Variants in PRKG1 observed in about 807,000 individuals in gnomAD.
PRKG1 encodes the protein cGMP-dependent protein kinase 1.
A neutral mutation model predicts 88.1 loss-of-function variants in PRKG1; 35 were observed. The observed-to-expected ratio is 0.40, with a 90% CI of 0.30 to 0.53. PRKG1 has a LOEUF of 0.53. Among genes scored for constraint, PRKG1 ranks in the 20% least tolerant of loss-of-function variants. The pLI is 0.59. For missense variants in PRKG1, 540 were observed against 839.8 expected, an observed-to-expected ratio of 0.64 and a Z score of 4.41; for synonymous variants, 303 against 292.5, an observed-to-expected ratio of 1.04 and a Z score of -0.37.
intron 2 of PRKG1, among the ~76,000 whole-genome samples, chr10:51,162,804 G>T (rs1846398765): frequency 6.6e-6 from 1 of 152,088 alleles, no homozygotes; most frequent in African/African-American, 2.4e-5. Flanking sequence ...CTGCAACCTT[G>T]AACTCCTGTG....
At chr10:51,701,540 T>C (rs1251287346) in intron 3 of PRKG1, among the ~76,000 whole-genome samples, 1 of 152,214 alleles carries the variant, frequency 6.6e-6, no homozygotes, top group Non-Finnish European at 1.5e-5. Context: ...GCTAGCAATG[T>C]TTCCCCAGTG....
At chr10:51,381,256 TAAAAAAAAAAAAAAAAAAAAAAAAAAAA>T (rs71029366) in intron 2 of PRKG1, among the ~76,000 whole-genome samples, 993 of 32,080 alleles carry the variant, frequency 0.031, 27 homozygotes, top group African/African-American at 0.084. Context: ...GCCTCCATCT[TAAAAAAAAAAAAAAAAAAAAAAAAAAAA>T]AAAAAAAAAA....
chr10:51,287,715 G>T (rs981815717), intron 2 of PRKG1, among the ~76,000 whole-genome samples: 3 of 152,220 alleles, frequency 2.0e-5, no homozygotes, highest in Non-Finnish European at 2.9e-5. Context: ...GGAGAAGGGG[G>T]TGATTTTGTA....
intron 4 of PRKG1, among the ~76,000 whole-genome samples, chr10:51,864,091 C>T (rs747464807): frequency 1.3e-5 from 2 of 152,164 alleles, no homozygotes. Flanking sequence ...AACATGATTC[C>T]TTGGACACAG....
intron 9 of PRKG1, among the ~76,000 whole-genome samples, chr10:52,187,648 C>T (rs1009423497): frequency 1.3e-5 from 2 of 152,166 alleles, no homozygotes; most frequent in Admixed American, 1.3e-4. Context: ...CTTTAAATTC[C>T]ACCTTTGTGG....
At chr10:51,446,612 A>G (rs566334788) in intron 2 of PRKG1, among the ~76,000 whole-genome samples, 4 of 152,212 alleles carry the variant, frequency 2.6e-5, no homozygotes, top group Admixed American at 6.6e-5. Context: ...CAAATTATGT[A>G]AAGGAAAGTT....
intron 2 of PRKG1, among the ~76,000 whole-genome samples, chr10:51,412,353 C>G (rs901377942): frequency 6.6e-6 from 1 of 152,026 alleles, no homozygotes; most frequent in Non-Finnish European, 1.5e-5. Context: ...ACCACCTGCC[C>G]AAAACCATCC....
chr10:51,300,261 T>TC (rs1840847645), intron 2 of PRKG1, among the ~76,000 whole-genome samples: 1 of 152,214 alleles, frequency 6.6e-6, no homozygotes, highest in African/African-American at 2.4e-5. Context: ...GCAGCTGCTC[T>TC]CCATGCAGCT....
intron 1 of PRKG1, among the ~76,000 whole-genome samples, chr10:51,116,047 A>T (rs1845116008): frequency 6.6e-6 from 1 of 152,102 alleles, no homozygotes; most frequent in African/African-American, 2.4e-5. Flanking sequence ...GGTGGTGGAA[A>T]AGTACTGGGC....
intron 2 of PRKG1, among the ~76,000 whole-genome samples, chr10:51,449,703 A>G (rs1162561218): frequency 7.2e-6 from 1 of 138,582 alleles, no homozygotes. Flanking sequence ...TTTTTATGAA[A>G]AAGCCATCTC....
At chr10:51,443,116 A>C (rs1241530396) in intron 2 of PRKG1, among the ~76,000 whole-genome samples, 1 of 143,952 alleles carries the variant, frequency 6.9e-6, no homozygotes, top group Non-Finnish European at 1.5e-5. Context: ...TGGGATCTTT[A>C]GCGAATACAG....
At chr10:51,029,610 A>G (rs1211316322) in intron 1 of PRKG1, among the ~76,000 whole-genome samples, 4 of 152,198 alleles carry the variant, frequency 2.6e-5, no homozygotes, top group African/African-American at 4.8e-5. Context: ...ATAAAATAAC[A>G]GTAGACCTCA....
chr10:52,276,483 AG>A (rs1161832204), intron 12 of PRKG1, among the ~76,000 whole-genome samples: 3 of 152,176 alleles, frequency 2.0e-5, no homozygotes, highest in African/African-American at 7.2e-5. Context: ...GTTTATGACA[AG>A]TTGACTAAAC....
At chr10:52,231,037 A>G (rs1276094614) in intron 9 of PRKG1, 1 of 152,238 alleles carries the variant, frequency 6.6e-6, no homozygotes, top group African/African-American at 2.4e-5. Context: ...AATTTGAATT[A>G]TGTGCTTCTT....
intron 2 of PRKG1, among the ~76,000 whole-genome samples, chr10:51,302,303 C>T (rs895969004): frequency 1.3e-5 from 2 of 151,978 alleles, no homozygotes; most frequent in Non-Finnish European, 2.9e-5. Flanking sequence ...TTTTAGTAAA[C>T]GTGATAATGT....
chr10:51,107,300 T>C (rs1022750229), intron 1 of PRKG1, among the ~76,000 whole-genome samples: 1 of 152,060 alleles, frequency 6.6e-6, no homozygotes, highest in Non-Finnish European at 1.5e-5. Flanking sequence ...TTGGATATTA[T>C]CCCAATGCAA....
intron 10 of PRKG1, among the ~76,000 whole-genome samples, chr10:52,258,408 C>A (rs1180808151): frequency 6.8e-6 from 1 of 146,260 alleles, no homozygotes; most frequent in Non-Finnish European, 1.5e-5. Flanking sequence ...TTCATTTGAA[C>A]CCTACTTTAT....
At chr10:52,085,177 C>T (rs1433178729) in intron 7 of PRKG1, among the ~76,000 whole-genome samples, 1 of 152,004 alleles carries the variant, frequency 6.6e-6, no homozygotes, top group Non-Finnish European at 1.5e-5. Context: ...TAACCTTTTC[C>T]CTTGCAACTA....
At chr10:51,570,730 C>A (rs900969111) in intron 3 of PRKG1, among the ~76,000 whole-genome samples, 1 of 151,532 alleles carries the variant, frequency 6.6e-6, no homozygotes, top group Non-Finnish European at 1.5e-5. Flanking sequence ...TGAAAATAGA[C>A]TATGATTTTC....
Sources: gnomAD v4.1 joint callset for allele counts (sites outside exome capture counted in the v4.1 genomes callset) on GRCh38, gnomAD v4.1.1 for gene constraint, MANE v1.5 for transcripts, NCBI Gene and HGNC (gene_info 2026-07-23, HGNC 2026-07-21) for gene names.